Variants in RUFY1 observed in about 807,000 individuals in gnomAD.
The protein encoded by RUFY1 is RUN and FYVE domain-containing protein 1.
RUFY1 carries 54 observed loss-of-function variants against 94.6 expected under a neutral mutation model. That is an observed-to-expected ratio of 0.57 (90% CI 0.46 to 0.72). The LOEUF (loss-of-function observed/expected upper bound fraction) is 0.72. RUFY1 is among the 30% of genes least tolerant of loss of function. The pLI is 0.00. For missense variants in RUFY1, 883 were observed against 883.9 expected, an observed-to-expected ratio of 1.00 and a Z score of 0.01; for synonymous variants, 396 against 347.3, an observed-to-expected ratio of 1.14 and a Z score of -1.56.
intron 16 of RUFY1, 95 bp downstream of exon 16, chr5:179,606,019 G>A (rs575675594): frequency 4.2e-5 from 35 of 842,910 alleles, no homozygotes; most frequent in African/African-American, 3.7e-4. Context: ...AGGTGAGAGC[G>A]TGTGGTTGAG....
At position 179,609,490 on chromosome 5, in the gene RUFY1, C is replaced by T. The variant is rs1391124250; in HGVS notation, c.2098C>T (p.Leu700=). The stretch of plus-strand genomic sequence containing the variant: ...GTGCGACAGCTGCCACACCCTGCTC[C>T]TGCAGCGCTGCTCCTCCACGGCCTC... The part of the protein sequence containing the change: ...RVCDSCHTLL[L]QRCSSTAS Residue 700 remains leucine (L), a synonymous_variant, in exon 18 of 18, where the codon CTG becomes TTG. Coordinates refer to ENST00000319449, the MANE Select transcript of RUFY1 (RefSeq NM_025158.5). 7 of 1,609,150 alleles carry T rather than the reference C, an allele frequency of 4.4e-6. No individual in the cohort carries two copies. Among genetic ancestry groups the T allele is most frequent in the Non-Finnish European group, 5.1e-6 (6 of 1,179,486 alleles).
At chr5:179,573,793 A>G (rs1472591944) in intron 5 of RUFY1, among the ~76,000 whole-genome samples, 3 of 152,128 alleles carry the variant, frequency 2.0e-5, no homozygotes, top group Non-Finnish European at 4.4e-5. Flanking sequence ...AAGTGCTGGG[A>G]TTACAGGCGT....
chr5:179,601,522 CTTT>C (rs1228880111), intron 14 of RUFY1, among the ~76,000 whole-genome samples: 1 of 141,930 alleles, frequency 7.0e-6, no homozygotes, highest in Admixed American at 7.1e-5. Context: ...GTTGCTGAAT[CTTT>C]TTTTTTTTTT....
intron 1 of RUFY1, among the ~76,000 whole-genome samples, chr5:179,551,637 AGG>A (rs1313749724): frequency 6.7e-6 from 1 of 149,282 alleles, no homozygotes; most frequent in Non-Finnish European, 1.5e-5. Context: ...CTGGGATTAC[AGG>A]TGCCCACCAC....
chr5:179,560,355 G>A (rs1377625850), intron 2 of RUFY1, among the ~76,000 whole-genome samples, 157 bp downstream of exon 2: 1 of 152,110 alleles, frequency 6.6e-6, no homozygotes, highest in East Asian at 1.9e-4. Flanking sequence ...CTAGAGCAGC[G>A]CTGGCCAATA....
chr5:179,608,920 CAAA>C (rs57127812), intron 17 of RUFY1, among the ~76,000 whole-genome samples: 45 of 121,790 alleles, frequency 3.7e-4, no homozygotes, highest in African/African-American at 6.2e-4. Flanking sequence ...GACAGAGACT[CAAA>C]AAAAAAAAAA....
chr5:179,576,039 C>T (rs2127532757), intron 5 of RUFY1, among the ~76,000 whole-genome samples: 1 of 152,220 alleles, frequency 6.6e-6, no homozygotes. Context: ...CCTGAGACTC[C>T]CAAAGTGCTG....
At position 179,550,582 on chromosome 5, in the gene RUFY1, G is replaced by A. The variant is rs1324997610; in HGVS notation, c.13G>A (p.Glu5Lys). 1.2e-5 allele frequency: 13 copies of A among 1,101,658 alleles called. 1 individual carries two copies. The highest frequency in any genetic ancestry group is 8.7e-5 in the East Asian group (2 of 22,948). 68.2% of individuals were successfully genotyped at this position (1,101,658 alleles called of 1,614,324 possible). The change falls in exon 1 of 18, where the codon GAA becomes AAA. Residue 5 changes from glutamate to lysine, a missense_variant. Coordinates refer to ENST00000319449, the MANE Select transcript of RUFY1 (RefSeq NM_025158.5). Reference protein sequence around the residue: MADREGGCAAGRGRE... With the variant: MADRKGGCAAGRGRE... ...TGACACGGCCAAGATGGCCGACCGG[G>A]AAGGCGGCTGCGCTGCTGGGCGGGG...
intron 8 of RUFY1, 55 bp downstream of exon 8, chr5:179,585,920 G>GA (rs1764572455): frequency 7.1e-7 from 1 of 1,399,718 alleles, no homozygotes; most frequent in Non-Finnish European, 1.0e-6. Context: ...AAGGTTAAGA[G>GA]AATCTGTGTA....
At position 179,560,107 on chromosome 5, in the gene RUFY1, T is replaced by C. The variant is rs1225900924; in HGVS notation, c.393T>C (p.Ala131=). The change falls in exon 2 of 18, where the codon GCT becomes GCC. Residue 131 remains alanine (A), a synonymous_variant. Transcript: ENST00000319449. ...GCATCAAGGTGTTGCTCCAGTCGGC[T>C]CTGAGCCTGGGCCGCAGCCTGGATG... ...KLSIKVLLQS[A]LSLGRSLDAD... The C allele has an allele frequency of 6.2e-7, 1 of 1,614,108 alleles. No homozygotes were observed. Among genetic ancestry groups the C allele is most frequent in the Non-Finnish European group, 8.5e-7 (1 of 1,180,028 alleles).
intron 15 of RUFY1, among the ~76,000 whole-genome samples, chr5:179,605,491 C>T (rs1766972528): frequency 6.6e-6 from 1 of 152,142 alleles, no homozygotes; most frequent in Non-Finnish European, 1.5e-5. Context: ...GAATGGAGGC[C>T]GGGGAGAAGC....
chr5:179,591,522 ATTACC>A (rs1294683091), intron 9 of RUFY1, 98 bp from the exon 10 acceptor site: 8 of 777,722 alleles, frequency 1.0e-5, no homozygotes, highest in African/African-American at 7.2e-5. Flanking sequence ...AAAAATAAAA[ATTACC>A]TTACATTTTT....
In RUFY1 at chr5:179,560,144, C is replaced by A. The variant is rs113157637; in HGVS notation, c.430C>A (p.Pro144Thr). 1 of 1,613,894 alleles carries A rather than the reference C, an allele frequency of 6.2e-7. No individual in the cohort carries two copies. The highest frequency in any genetic ancestry group is 8.5e-7 in the Non-Finnish European group (1 of 1,179,990). ...LGRSLDADHAPLQQFFVVMEH... is the reference protein window; with the variant it reads ...LGRSLDADHATLQQFFVVMEH... ...CCGCAGCCTGGATGCGGACCATGCC[C>A]CCTTGCAGCAGTTCTTTGTAGTGAT... The change falls in exon 2 of 18, where the codon CCC becomes ACC. Residue 144 changes from proline to threonine, a missense_variant. Pro to Thr is a conservative substitution (Grantham distance 38). Coordinates refer to ENST00000319449, the MANE Select transcript of RUFY1 (RefSeq NM_025158.5).
At chr5:179,589,449 A>C (rs1197295655) in intron 8 of RUFY1, 97 bp from the exon 9 acceptor site, 31 of 764,768 alleles carry the variant, frequency 4.1e-5, no homozygotes, top group Non-Finnish European at 6.4e-5. Context: ...ACCTGTGAAC[A>C]TACATTGTCA....
intron 16 of RUFY1, chr5:179,606,306 C>T: frequency 4.0e-6 from 1 of 251,920 alleles, no homozygotes; most frequent in South Asian, 4.9e-5. Flanking sequence ...CTGCAGTGCC[C>T]TGTGCCATTG....
At chr5:179,571,970 A>G (rs930682092) in intron 5 of RUFY1, among the ~76,000 whole-genome samples, 3 of 151,022 alleles carry the variant, frequency 2.0e-5, no homozygotes, top group South Asian at 4.2e-4. Flanking sequence ...TAAGTTTTTT[A>G]TTTTTAGTTT....
chr5:179,574,615 C>T (rs1204256057), intron 5 of RUFY1, among the ~76,000 whole-genome samples: 2 of 152,108 alleles, frequency 1.3e-5, no homozygotes, highest in Non-Finnish European at 2.9e-5. Flanking sequence ...AGTCTTAAGA[C>T]AATTTTTAAA....
intron 5 of RUFY1, among the ~76,000 whole-genome samples, chr5:179,570,768 C>T (rs1763169572): frequency 6.6e-6 from 1 of 151,582 alleles, no homozygotes; most frequent in East Asian, 1.9e-4. Flanking sequence ...TTTTTTATAA[C>T]CTCTCCTCCC....
chr5:179,580,241 G>GTGTGTGTATATATA (rs149099074), intron 6 of RUFY1, among the ~76,000 whole-genome samples: 1,429 of 93,816 alleles, frequency 0.015, 14 homozygotes, highest in Non-Finnish European at 0.022. Context: ...GTGTGTGTGT[G>GTGTGTGTATATATA]TATATTTTTT....
Sources: allele counts gnomAD v4.1 joint callset (sites outside exome capture counted in the v4.1 genomes callset), GRCh38; gene constraint gnomAD v4.1.1; transcripts MANE v1.5; gene names NCBI Gene and HGNC (gene_info 2026-07-23, HGNC 2026-07-21).